KDM3A: variants seen among roughly 807,000 people sequenced by gnomAD.
KDM3A encodes lysine-specific demethylase 3A.
KDM3A carries 60 observed loss-of-function variants against 158.0 expected under a neutral mutation model. The ratio of observed to expected loss-of-function variants is 0.38; its 90% CI spans 0.31 to 0.47. The LOEUF (loss-of-function observed/expected upper bound fraction) is 0.47. Among genes scored for constraint, KDM3A ranks in the 20% least tolerant of loss-of-function variants. KDM3A has a pLI of 0.99. For synonymous variants in KDM3A, 608 were observed against 549.3 expected (o/e 1.11, Z -1.49); for missense variants, 1,319 against 1,574.3 (o/e 0.84, Z 2.74).
rs757684853 is a variant in KDM3A at position 86,489,507 on chromosome 2, C to T, written c.3434-13C>T. 1.2e-6 allele frequency: 2 copies of T among 1,611,532 alleles called. No individual in the cohort carries two copies. Among genetic ancestry groups the T allele is most frequent in the Non-Finnish European group, 1.7e-6 (2 of 1,178,940 alleles). On this transcript the variant is annotated splice_polypyrimidine_tract_variant and intron_variant, in intron 22 of 25. Transcript: ENST00000312912. ...GCTTGTGGTCTGATATCTGCTTTCT[C>T]TTCTTGCTCTAGAAGTCCTTAAGAC...
intron 3 of KDM3A, among the ~76,000 whole-genome samples, chr2:86,450,260 A>C (rs1384465935): frequency 6.6e-6 from 1 of 152,190 alleles, no homozygotes; most frequent in East Asian, 1.9e-4. Flanking sequence ...CTTTCAAAAC[A>C]TTTGAATTAA....
In KDM3A at chr2:86,485,858, T is replaced by C. The variant is rs766480723; in HGVS notation, c.3312T>C (p.Tyr1104=). The C allele has an allele frequency of 8.1e-5, 131 of 1,612,220 alleles. No homozygotes were observed. The highest frequency in any genetic ancestry group is 1.0e-4 in the Non-Finnish European group (120 of 1,178,476). Residue 1104 remains tyrosine (Y), a splice_region_variant and synonymous_variant, in exon 21 of 26, where the codon TAT becomes TAC. Coordinates refer to ENST00000312912, the MANE Select transcript of KDM3A (RefSeq NM_018433.6). ...TGGGCCCCAAGATGTATAATGCTTA[T>C]GGTAAGGAGGAGATGGCTAACTTTA... The part of the protein sequence containing the change: ...PDLGPKMYNA[Y]GLITPEDRKY...
intron 1 of KDM3A, 100 bp from the exon 2 acceptor site, chr2:86,441,914 GTCCT>G: frequency 3.4e-6 from 3 of 882,010 alleles, no homozygotes; most frequent in Non-Finnish European, 3.3e-6. Flanking sequence ...CCGGGGCCGC[GTCCT>G]CGCGCGGGTT....
chr2:86,453,563 A>G (rs1672560014), intron 4 of KDM3A, among the ~76,000 whole-genome samples: 1 of 152,208 alleles, frequency 6.6e-6, no homozygotes, highest in South Asian at 2.1e-4. Context: ...TAGGCAGCCT[A>G]ATATTTTTCT....
chr2:86,441,750 A>G (rs1311532161), intron 1 of KDM3A, among the ~76,000 whole-genome samples: 2 of 150,152 alleles, frequency 1.3e-5, no homozygotes, highest in Non-Finnish European at 3.0e-5. Flanking sequence ...GCCGCAGATA[A>G]TTTTTCCCTC....
At chr2:86,470,997 G>A (rs1332137200) in intron 11 of KDM3A, among the ~76,000 whole-genome samples, 1 of 152,080 alleles carries the variant, frequency 6.6e-6, no homozygotes, top group African/African-American at 2.4e-5. Context: ...TTTGCTTTGG[G>A]AGGATTACTA....
Position 86,466,615 on chromosome 2 carries a change from C to T in KDM3A, c.1251C>T (p.Cys417=). The T allele has an allele frequency of 6.2e-7, 1 of 1,613,960 alleles. No homozygotes were observed. Among genetic ancestry groups the T allele is most frequent in the Non-Finnish European group, 8.5e-7 (1 of 1,179,882 alleles). The change falls in exon 10 of 26, where the codon TGC becomes TGT. Residue 417 remains cysteine (C), a synonymous_variant. Transcript: ENST00000312912. The part of the protein sequence containing the change: ...PQALTGLPKE[C]LPTKASSKAE... ...CATTGACTGGCCTTCCTAAGGAGTG[C>T]TTACCTACAAAGGCTTCTTCTAAGG...
In KDM3A at chr2:86,491,151, T is replaced by TA; in HGVS notation, c.3762dup (p.Tyr1255IlefsTer2). 6.2e-7 allele frequency: 1 copy of TA among 1,614,022 alleles called. No homozygotes were observed. The highest frequency in any genetic ancestry group is 8.5e-7 in the Non-Finnish European group (1 of 1,179,910). On this transcript the variant is annotated frameshift_variant, in exon 25 of 26. Coordinates refer to ENST00000312912, the MANE Select transcript of KDM3A (RefSeq NM_018433.6). LOFTEE classifies it high-confidence loss of function. Reference sequence around the variant, plus strand: ...CTTGGTGTTTTTCAGGTTCATAACTTATATAGCTGCATCAAAGTGGCTGAA... The same window carrying TA: ...CTTGGTGTTTTTCAGGTTCATAACTTAATATAGCTGCATCAAAGTGGCTGAA...
chr2:86,441,936 C>G (rs1000348074), intron 1 of KDM3A, 82 bp from the exon 2 acceptor site: 1 of 1,174,334 alleles, frequency 8.5e-7, no homozygotes, highest in Non-Finnish European at 1.2e-6. Flanking sequence ...GTTCGGCGCC[C>G]TCCGCCCGCC....
Position 86,482,640 on chromosome 2 carries a change from C to T in KDM3A, c.2868C>T (p.Asp956=), listed in dbSNP as rs753215871. 1.9e-6 allele frequency: 3 copies of T among 1,614,072 alleles called. No homozygotes were observed. Among genetic ancestry groups the T allele is most frequent in the Non-Finnish European group, 2.5e-6 (3 of 1,180,012 alleles). ...ATAATCGCTTGCTGTGCTTGCAAGA[C>T]CCCAACAATAAGAGCAACTGGAATG... ...LCDNRLLCLQ[D]PNNKSNWNVF... is the part of the protein sequence containing the mutation. Residue 956 remains aspartate (D), a synonymous_variant, in exon 18 of 26, where the codon GAC becomes GAT. Coordinates refer to ENST00000312912, the MANE Select transcript of KDM3A (RefSeq NM_018433.6).
Position 86,489,248 on chromosome 2 carries a change from G to T in KDM3A, c.3314-70G>T, listed in dbSNP as rs147617165. The T allele has an allele frequency of 2.8e-5, 43 of 1,544,266 alleles. No individual in the cohort carries two copies. The African/African-American group carries it at 4.7e-4, about 17-fold the overall frequency. The stretch of plus-strand genomic sequence containing the variant: ...TCAATCAGGGACCTACCATCCCCCA[G>T]GTAGGTAGTGGAAAGACTGTGGCAG... On this transcript the variant is annotated intron_variant, in intron 21 of 25. Transcript: ENST00000312912.
intron 9 of KDM3A, 56 bp downstream of exon 9, chr2:86,464,272 C>A: frequency 2.4e-6 from 3 of 1,255,102 alleles, no homozygotes; most frequent in Non-Finnish European, 3.2e-6. Context: ...TTATTTTAGT[C>A]ATGGCTCATT....
chr2:86,463,843 A>G (rs144774446), intron 8 of KDM3A, among the ~76,000 whole-genome samples: 257 of 152,378 alleles, frequency 1.7e-3, no homozygotes, highest in Middle Eastern at 3.4e-3. Flanking sequence ...GTAGGAAGAC[A>G]TAAGTTTTGT....
intron 18 of KDM3A, chr2:86,483,470 C>G (rs1573205733): frequency 6.6e-6 from 1 of 152,434 alleles, no homozygotes; most frequent in Non-Finnish European, 1.5e-5. Flanking sequence ...GGCAGGCTTT[C>G]TTTCTTGCTT....
chr2:86,458,676 C>A (rs1380272207), intron 8 of KDM3A, among the ~76,000 whole-genome samples: 1 of 152,106 alleles, frequency 6.6e-6, no homozygotes, highest in African/African-American at 2.4e-5. Context: ...TGGGCAGAGC[C>A]TCTCAGACAG....
At chr2:86,490,751 C>T (rs914545385) in intron 23 of KDM3A, 130 bp from the exon 24 acceptor site, 8 of 615,644 alleles carry the variant, frequency 1.3e-5, no homozygotes, top group South Asian at 1.1e-4. Context: ...TAGTCGTCTT[C>T]TGCCAATGGG....
At chr2:86,478,785 C>A in intron 15 of KDM3A, 50 bp downstream of exon 15, 1 of 1,575,818 alleles carries the variant, frequency 6.3e-7, no homozygotes, top group South Asian at 1.1e-5. Context: ...TGTCATTTGT[C>A]TGTTTTTCAA....
chr2:86,442,305 C>A, intron 2 of KDM3A, 72 bp downstream of exon 2: 1 of 1,415,880 alleles, frequency 7.1e-7, no homozygotes, highest in Non-Finnish European at 9.6e-7. Flanking sequence ...TCGGTTCCCT[C>A]CTTCCGTTTT....
chr2:86,489,185 A>T, intron 21 of KDM3A, 133 bp from the exon 22 acceptor site: 1 of 1,062,364 alleles, frequency 9.4e-7, no homozygotes, highest in Non-Finnish European at 1.3e-6. Context: ...ATTTTTTTGC[A>T]ATAATTTGAT....
Sources: allele counts gnomAD v4.1 joint callset (sites outside exome capture counted in the v4.1 genomes callset), GRCh38; gene constraint gnomAD v4.1.1; transcripts MANE v1.5; gene names NCBI Gene and HGNC (gene_info 2026-07-23, HGNC 2026-07-21).